The following CDH10 variants were observed in gnomAD, a reference collection of about 807,000 sequenced individuals.
CDH10 encodes the protein cadherin 10, also known as cadherin-10.
In CDH10, 30 loss-of-function variants were observed where a neutral mutation model predicts 73.1. That is an observed-to-expected ratio of 0.41 (90% CI 0.31 to 0.56). The LOEUF is 0.56. CDH10 is among the 20% of genes least tolerant of loss of function. The pLI is 0.27. For missense variants in CDH10, 815 were observed against 973.7 expected (o/e 0.84, Z 2.17); for synonymous variants, 345 against 348.2 (o/e 0.99, Z 0.10).
intron 1 of CDH10, among the ~76,000 whole-genome samples, chr5:24,600,606 G>A (rs973060170): frequency 6.0e-5 from 9 of 149,158 alleles, no homozygotes; most frequent in East Asian, 3.9e-4. Context: ...GCGTGCGTGC[G>A]TGTGTGTGTG....
chr5:24,620,128 A>T (rs770543726), intron 1 of CDH10, among the ~76,000 whole-genome samples: 8 of 152,184 alleles, frequency 5.3e-5, no homozygotes, highest in African/African-American at 4.8e-5. Context: ...GTTCTACCTT[A>T]CTAACTTCAG....
At chr5:24,518,421 G>A (rs1319136) in intron 5 of CDH10, among the ~76,000 whole-genome samples, 72,168 of 151,298 alleles carry the variant, frequency 0.48, 17,252 homozygotes, top group East Asian at 0.58. Context: ...ATTCACATAT[G>A]TATATATGCA....
rs2111725089 is a variant in CDH10, at chr5:24,505,104, C to A, written c.1393+8G>T. ...AGATATATGTTAGATACATAAAATT[C>A]ATCTTACTGATTTCAGCAGCAATAA... On this transcript the variant is annotated splice_region_variant and intron_variant, in intron 8 of 11. Transcript: ENST00000264463. 1.3e-6 allele frequency: 2 copies of A among 1,596,860 alleles called. No individual in the cohort carries two copies. The highest frequency in any genetic ancestry group is 2.2e-5 in the South Asian group (2 of 90,462).
intron 3 of CDH10, among the ~76,000 whole-genome samples, chr5:24,536,242 A>G (rs1256127721): frequency 1.3e-5 from 2 of 152,188 alleles, no homozygotes; most frequent in African/African-American, 2.4e-5. Context: ...GCTCTAGAAT[A>G]CAATTTTATG....
At chr5:24,606,539 A>C (rs1156329940) in intron 1 of CDH10, among the ~76,000 whole-genome samples, 2 of 150,952 alleles carry the variant, frequency 1.3e-5, no homozygotes, top group Non-Finnish European at 3.0e-5. Flanking sequence ...TCAACCTGGG[A>C]GGTGGAGGTT....
chr5:24,508,670 C>A (rs1182436520), intron 7 of CDH10, among the ~76,000 whole-genome samples: 1 of 147,912 alleles, frequency 6.8e-6, no homozygotes, highest in South Asian at 2.1e-4. Context: ...AAGTGTGCAC[C>A]ACCATGCCTG....
intron 1 of CDH10, among the ~76,000 whole-genome samples, chr5:24,623,273 T>A (rs1192226349): frequency 6.6e-6 from 1 of 152,136 alleles, no homozygotes; most frequent in African/African-American, 2.4e-5. Flanking sequence ...CTTGAACAGC[T>A]GGAGAGCACA....
chr5:24,538,166 GT>G (rs1003969213), intron 2 of CDH10, among the ~76,000 whole-genome samples: 1 of 152,032 alleles, frequency 6.6e-6, no homozygotes, highest in Admixed American at 6.6e-5. Flanking sequence ...AGGAGACAAA[GT>G]TCTTACTTTA....
intron 9 of CDH10, among the ~76,000 whole-genome samples, chr5:24,497,026 T>C (rs895351617): frequency 1.3e-5 from 2 of 152,126 alleles, no homozygotes; most frequent in African/African-American, 4.8e-5. Flanking sequence ...GCTAATTCCC[T>C]TTTTATTGAA....
At chr5:24,574,128 G>A (rs1297612315) in intron 2 of CDH10, among the ~76,000 whole-genome samples, 3 of 151,810 alleles carry the variant, frequency 2.0e-5, no homozygotes, top group Non-Finnish European at 4.4e-5. Context: ...CTCGTGATCC[G>A]CCCGCCTCGG....
intron 2 of CDH10, among the ~76,000 whole-genome samples, chr5:24,540,468 G>C (rs1031412027): frequency 2.0e-5 from 3 of 151,858 alleles, no homozygotes; most frequent in Admixed American, 6.6e-5. Flanking sequence ...ATACTACAGA[G>C]AGTGAAAATT....
chr5:24,515,927 C>T (rs1743094189), intron 5 of CDH10, among the ~76,000 whole-genome samples: 1 of 152,084 alleles, frequency 6.6e-6, no homozygotes, highest in Non-Finnish European at 1.5e-5. Flanking sequence ...ATCTCTTTCG[C>T]CTGCAGCCAT....
chr5:24,561,253 G>T (rs1042288953), intron 2 of CDH10, among the ~76,000 whole-genome samples: 1 of 152,092 alleles, frequency 6.6e-6, no homozygotes. Flanking sequence ...GTTAAAAAGC[G>T]TAATCTCTGG....
chr5:24,537,795 T>C (rs1406913762), intron 2 of CDH10, 121 bp from the exon 3 acceptor site: 8 of 610,436 alleles, frequency 1.3e-5, no homozygotes, highest in African/African-American at 1.1e-4. Flanking sequence ...TCCTACTTCT[T>C]GAAATGAGAG....
intron 5 of CDH10, among the ~76,000 whole-genome samples, chr5:24,516,055 G>C (rs1743098375): frequency 4.6e-5 from 7 of 152,130 alleles, no homozygotes; most frequent in Admixed American, 4.6e-4. Context: ...GTCTTTATTA[G>C]CAGCATGAAA....
chr5:24,547,784 C>T (rs1744396655), intron 2 of CDH10, among the ~76,000 whole-genome samples: 1 of 152,160 alleles, frequency 6.6e-6, no homozygotes, highest in Non-Finnish European at 1.5e-5. Flanking sequence ...AACCTAAGGG[C>T]ATTCAACAAT....
At chr5:24,642,199 T>A (rs973933731) in intron 1 of CDH10, among the ~76,000 whole-genome samples, 3 of 152,080 alleles carry the variant, frequency 2.0e-5, no homozygotes, top group African/African-American at 7.2e-5. Context: ...TCAGAGCCAA[T>A]ACTGCTGCTG....
At chr5:24,553,517 T>C (rs899728939) in intron 2 of CDH10, among the ~76,000 whole-genome samples, 2 of 152,196 alleles carry the variant, frequency 1.3e-5, no homozygotes, top group African/African-American at 2.4e-5. Flanking sequence ...CTTGCTTTAC[T>C]TCGTAGAGCA....
chr5:24,585,020 C>T (rs1380104483), intron 2 of CDH10, among the ~76,000 whole-genome samples: 1 of 151,562 alleles, frequency 6.6e-6, no homozygotes, highest in Non-Finnish European at 1.5e-5. Flanking sequence ...ATAATTTTTT[C>T]TATTTTTAGT....
Sources: allele counts gnomAD v4.1 joint callset (sites outside exome capture counted in the v4.1 genomes callset), GRCh38; gene constraint gnomAD v4.1.1; transcripts MANE v1.5; gene names NCBI Gene and HGNC (gene_info 2026-07-23, HGNC 2026-07-21).